FAF1: variants seen among roughly 807,000 people sequenced by gnomAD.
The protein encoded by FAF1 is Fas associated factor 1, also known as FAS-associated factor 1.
In FAF1, 25 loss-of-function variants were observed where a neutral mutation model predicts 92.5. The ratio of observed to expected loss-of-function variants is 0.27; its 90% CI spans 0.20 to 0.38. The LOEUF (loss-of-function observed/expected upper bound fraction) is 0.38, where lower values mean the gene tolerates loss of function less well. FAF1 is among the 10% of genes least tolerant of loss of function. The probability of loss-of-function intolerance (pLI) is 1.00; values close to 1 mark genes in which losing one functional copy is unlikely to be tolerated. For synonymous variants in FAF1, 234 were observed against 273.2 expected (o/e 0.86, Z 1.42); for missense variants, 636 against 793.3 (o/e 0.80, Z 2.38).
At chr1:50,547,065 T>G (rs1367189191) in intron 13 of FAF1, among the ~76,000 whole-genome samples, 1 of 128,236 alleles carries the variant, frequency 7.8e-6, no homozygotes, top group Non-Finnish European at 1.7e-5. Flanking sequence ...ATTTTCGTAT[T>G]TTTTTTTTTG....
At chr1:50,769,184 T>G (rs1433064668) in intron 4 of FAF1, among the ~76,000 whole-genome samples, 3 of 151,922 alleles carry the variant, frequency 2.0e-5, no homozygotes, top group Non-Finnish European at 4.4e-5. Context: ...ATGCACAAAC[T>G]AGAAAACATA....
At chr1:50,930,862 G>C (rs1354080604) in intron 1 of FAF1, among the ~76,000 whole-genome samples, 1 of 152,116 alleles carries the variant, frequency 6.6e-6, no homozygotes, top group East Asian at 1.9e-4. Flanking sequence ...GAAAACTAAA[G>C]AAGGCAATAT....
At chr1:50,932,184 G>A (rs898158740) in intron 1 of FAF1, among the ~76,000 whole-genome samples, 1 of 151,984 alleles carries the variant, frequency 6.6e-6, no homozygotes, top group African/African-American at 2.4e-5. Flanking sequence ...GTCCTCACAT[G>A]TCAAAACCAA....
chr1:50,785,131 T>TAA (rs1661313530), intron 4 of FAF1, among the ~76,000 whole-genome samples: 1 of 37,166 alleles, frequency 2.7e-5, no homozygotes, highest in African/African-American at 1.6e-4. Flanking sequence ...AGACCCTATC[T>TAA]CAAAAAAAAA....
chr1:50,953,598 C>A (rs1018689050), intron 1 of FAF1, among the ~76,000 whole-genome samples: 2 of 151,676 alleles, frequency 1.3e-5, no homozygotes, highest in East Asian at 1.9e-4. Context: ...ATTAGCCAGG[C>A]GTAGTTGGTT....
At chr1:50,491,680 C>A (rs151071184) in intron 16 of FAF1, 41 bp downstream of exon 16, 1 of 1,414,700 alleles carries the variant, frequency 7.1e-7, no homozygotes, top group South Asian at 1.2e-5. Flanking sequence ...AAATAATGAA[C>A]AATTGAGTTC....
chr1:50,661,223 A>G (rs1655360403), intron 7 of FAF1, among the ~76,000 whole-genome samples: 1 of 152,184 alleles, frequency 6.6e-6, no homozygotes, highest in South Asian at 2.1e-4. Flanking sequence ...TTAAAAATAA[A>G]GCCTGTCACA....
chr1:50,488,272 A>G (rs1335234014), intron 17 of FAF1, among the ~76,000 whole-genome samples: 1 of 152,212 alleles, frequency 6.6e-6, no homozygotes, highest in Non-Finnish European at 1.5e-5. Flanking sequence ...CATATACTGA[A>G]TTATGTTTAT....
At chr1:50,471,726 G>A (rs185875058) in intron 18 of FAF1, among the ~76,000 whole-genome samples, 1 of 152,226 alleles carries the variant, frequency 6.6e-6, no homozygotes, top group Non-Finnish European at 1.5e-5. Context: ...GACTCTTAGA[G>A]TTCATCTGCC....
chr1:50,762,136 C>T (rs140444850), intron 4 of FAF1, among the ~76,000 whole-genome samples: 44,581 of 151,470 alleles, frequency 0.29, 6,829 homozygotes, highest in Middle Eastern at 0.48. Context: ...TTACAAGGGA[C>T]GTGAAGGACC....
chr1:50,494,972 T>TA (rs946091086), intron 15 of FAF1, among the ~76,000 whole-genome samples: 3 of 152,250 alleles, frequency 2.0e-5, no homozygotes, highest in Admixed American at 6.5e-5. Flanking sequence ...TATTTTTAGT[T>TA]AAAAAAATTT....
intron 2 of FAF1, among the ~76,000 whole-genome samples, chr1:50,847,946 A>T (rs1464857728): frequency 1.3e-5 from 2 of 152,084 alleles, no homozygotes; most frequent in Non-Finnish European, 2.9e-5. Context: ...AAAAACAAAC[A>T]CAAAGAAACA....
chr1:50,838,512 A>G (rs11205780), intron 2 of FAF1, among the ~76,000 whole-genome samples: 2,999 of 148,180 alleles, frequency 0.02, 97 homozygotes, highest in African/African-American at 0.07. Context: ...TGTTATATAT[A>G]TAATTTTACA....
chr1:50,704,180 G>C (rs1045819501), intron 7 of FAF1, among the ~76,000 whole-genome samples: 7 of 152,024 alleles, frequency 4.6e-5, no homozygotes, highest in African/African-American at 2.4e-5. Flanking sequence ...AAGCTAATTT[G>C]AAAACACTGA....
At chr1:50,524,492 GTCT>G (rs1393946584) in intron 15 of FAF1, among the ~76,000 whole-genome samples, 7 of 152,084 alleles carry the variant, frequency 4.6e-5, no homozygotes, top group Non-Finnish European at 7.4e-5. Context: ...TGCCTAGGTT[GTCT>G]TCTAGGGTTT....
intron 2 of FAF1, among the ~76,000 whole-genome samples, chr1:50,836,435 CTCTT>C (rs1644206096): frequency 6.6e-6 from 1 of 151,934 alleles, no homozygotes. Context: ...ATTCAATAAT[CTCTT>C]ACAAATGGTA....
chr1:50,567,451 C>G (rs1264072823), intron 12 of FAF1, among the ~76,000 whole-genome samples: 3 of 152,086 alleles, frequency 2.0e-5, no homozygotes. Context: ...ATATCTAATT[C>G]TGCAGACTGC....
chr1:50,611,146 A>C (rs903350159), intron 8 of FAF1, among the ~76,000 whole-genome samples: 1 of 152,218 alleles, frequency 6.6e-6, no homozygotes, highest in Non-Finnish European at 1.5e-5. Flanking sequence ...GTGCTGGAGT[A>C]TTTGATTCAC....
chr1:50,747,928 TC>T (rs890986898), intron 4 of FAF1, among the ~76,000 whole-genome samples: 2 of 152,178 alleles, frequency 1.3e-5, no homozygotes, highest in East Asian at 3.9e-4. Context: ...TGCTTTGCCT[TC>T]CACCACGAGT....
Sources: gnomAD v4.1 joint callset for allele counts (sites outside exome capture counted in the v4.1 genomes callset) on GRCh38, gnomAD v4.1.1 for gene constraint, MANE v1.5 for transcripts, NCBI Gene and HGNC (gene_info 2026-07-23, HGNC 2026-07-21) for gene names.